The following TRAPPC9 variants were observed in gnomAD, a reference collection of about 807,000 sequenced individuals.
TRAPPC9 encodes trafficking protein particle complex subunit 9, also known as IKK2 binding protein.
TRAPPC9 carries 83 observed loss-of-function variants against 124.0 expected under a neutral mutation model. The ratio of observed to expected loss-of-function variants is 0.67; its 90% confidence interval spans 0.56 to 0.80. TRAPPC9 has a LOEUF of 0.80. Ranked by LOEUF, TRAPPC9 falls within the 30% of genes least tolerant of loss-of-function variation. TRAPPC9 has a pLI of 0.00. For missense variants in TRAPPC9, 1,302 were observed against 1,508.3 expected (o/e 0.86, Z 2.27); for synonymous variants, 638 against 617.5 (o/e 1.03, Z -0.49).
intron 13 of TRAPPC9, among the ~76,000 whole-genome samples, chr8:140,286,621 G>A (rs949431655): frequency 2.6e-5 from 4 of 152,166 alleles, no homozygotes; most frequent in Admixed American, 6.5e-5. Flanking sequence ...CCAAGAACCC[G>A]TTAGGGCAAA....
chr8:140,013,369 C>T (rs1011213449), intron 18 of TRAPPC9, among the ~76,000 whole-genome samples: 30 of 152,312 alleles, frequency 2.0e-4, no homozygotes, highest in Middle Eastern at 3.4e-3. Context: ...ACTCCCCAGT[C>T]GTCTAAACAA....
chr8:139,942,785 C>A (rs1004472313), intron 19 of TRAPPC9, among the ~76,000 whole-genome samples: 1 of 152,174 alleles, frequency 6.6e-6, no homozygotes, highest in Non-Finnish European at 1.5e-5. Flanking sequence ...GAGGACAGGC[C>A]GAGTCAGCAC....
At chr8:140,340,535 G>A (rs2067165083) in intron 9 of TRAPPC9, among the ~76,000 whole-genome samples, 1 of 152,212 alleles carries the variant, frequency 6.6e-6, no homozygotes, top group Admixed American at 6.5e-5. Flanking sequence ...CACAATGCCA[G>A]GCAGCTGACA....
At chr8:140,114,332 GAAAAAAAAA>G (rs59499088) in intron 17 of TRAPPC9, among the ~76,000 whole-genome samples, 2 of 117,052 alleles carry the variant, frequency 1.7e-5, no homozygotes, top group Non-Finnish European at 3.4e-5. Context: ...AAGGACTGAA[GAAAAAAAAA>G]AAAAAAAAAA....
intron 9 of TRAPPC9, among the ~76,000 whole-genome samples, chr8:140,327,718 A>G (rs1419500485): frequency 1.3e-5 from 2 of 152,232 alleles, no homozygotes; most frequent in Non-Finnish European, 2.9e-5. Context: ...AAATTCATCA[A>G]GAGGAAAAGT....
intron 17 of TRAPPC9, among the ~76,000 whole-genome samples, chr8:140,085,338 T>TA (rs11423500): frequency 0.26 from 36,535 of 143,122 alleles, 6,876 homozygotes; most frequent in African/African-American, 0.54. Flanking sequence ...TCTTACTGTT[T>TA]AAAAAAAAAA....
At chr8:139,947,380 T>TA (rs1432744959) in intron 19 of TRAPPC9, among the ~76,000 whole-genome samples, 9 of 152,162 alleles carry the variant, frequency 5.9e-5, no homozygotes, top group African/African-American at 1.4e-4. Flanking sequence ...AATGCTGTAT[T>TA]ACTCAGCCGC....
chr8:140,236,930 C>T (rs1378271636), intron 16 of TRAPPC9, among the ~76,000 whole-genome samples: 1 of 152,046 alleles, frequency 6.6e-6, no homozygotes, highest in African/African-American at 2.4e-5. Context: ...GCCTGTAATC[C>T]CAGAAATTGA....
chr8:140,076,343 G>C (rs1180270204), intron 17 of TRAPPC9, among the ~76,000 whole-genome samples: 1 of 152,122 alleles, frequency 6.6e-6, no homozygotes, highest in Non-Finnish European at 1.5e-5. Flanking sequence ...GGCCTTCGGT[G>C]ACACTCTCCA....
At chr8:139,917,453 T>C (rs1832225432) in intron 19 of TRAPPC9, among the ~76,000 whole-genome samples, 1 of 152,202 alleles carries the variant, frequency 6.6e-6, no homozygotes, top group Non-Finnish European at 1.5e-5. Flanking sequence ...GTGCTGGGAT[T>C]ACAGGCTTGA....
At chr8:139,746,218 C>G (rs766139744) in intron 21 of TRAPPC9, among the ~76,000 whole-genome samples, 1 of 152,208 alleles carries the variant, frequency 6.6e-6, no homozygotes, top group African/African-American at 2.4e-5. Flanking sequence ...ATGGAATACT[C>G]GACCTCGAGA....
At chr8:140,038,733 C>A (rs1047074596) in intron 17 of TRAPPC9, among the ~76,000 whole-genome samples, 16 of 152,192 alleles carry the variant, frequency 1.1e-4, no homozygotes, top group African/African-American at 3.9e-4. Flanking sequence ...GGCAGCTGAG[C>A]ACAGAGGTCT....
At chr8:139,947,916 A>AGCGAGAGC (rs1563944274) in intron 19 of TRAPPC9, among the ~76,000 whole-genome samples, 1 of 39,914 alleles carries the variant, frequency 2.5e-5, no homozygotes, top group East Asian at 1.7e-3. Context: ...ATAGAGAGAG[A>AGCGAGAGC]GAGAGAGCGA....
At chr8:140,442,195 A>C (rs910698615) in intron 2 of TRAPPC9, among the ~76,000 whole-genome samples, 6 of 152,254 alleles carry the variant, frequency 3.9e-5, no homozygotes, top group South Asian at 2.1e-4. Context: ...TATGATAAAC[A>C]ATTTGTTTTG....
intron 17 of TRAPPC9, among the ~76,000 whole-genome samples, chr8:140,037,437 A>G (rs1285612152): frequency 1.3e-5 from 2 of 152,136 alleles, no homozygotes; most frequent in African/African-American, 4.8e-5. Context: ...ATAAAGAAAC[A>G]AATTTCCACA....
At position 140,264,329 on chromosome 8, in the gene TRAPPC9, C is replaced by T. The variant is rs560465444; in HGVS notation, c.2278+11329G>A. ...GTGCTTCTCGCACTCTTGCCTTTCC[C>T]AGGTGCTCCCCATGGCCTCCCAAGG... On this transcript the variant is annotated intron_variant, in intron 15 of 22. Transcript: ENST00000438773. 3.9e-5 allele frequency among the ~76,000 whole-genome samples: 6 copies of T among 152,166 alleles called. No homozygotes were observed. The East Asian group carries it at 5.8e-4, about 15-fold the overall frequency.
chr8:139,896,223 G>T (rs1830658654), intron 20 of TRAPPC9, among the ~76,000 whole-genome samples: 1 of 152,242 alleles, frequency 6.6e-6, no homozygotes, highest in African/African-American at 2.4e-5. Flanking sequence ...AGCCACAGTT[G>T]TAATACTACA....
intron 2 of TRAPPC9, among the ~76,000 whole-genome samples, chr8:140,444,529 G>A (rs2132662967): frequency 6.6e-6 from 1 of 152,100 alleles, no homozygotes; most frequent in Non-Finnish European, 1.5e-5. Context: ...TAGAAGAAGT[G>A]GCAGCTGCAC....
Position 139,902,528 on chromosome 8 carries a change from T to C in TRAPPC9, c.2964+7619A>G, listed in dbSNP as rs1831084383. Among the ~76,000 whole-genome samples the C allele has an allele frequency of 1.3e-5, 2 of 152,344 alleles. 1 individual carries two copies. The highest frequency in any genetic ancestry group is 6.8e-3 in the Middle Eastern group (2 of 294). ...AGATACAAAATGCAACCCTGCATTTTACTTAAGATGATCAAGGAATCAGCT... is the reference window on the plus strand; with the variant it reads ...AGATACAAAATGCAACCCTGCATTTCACTTAAGATGATCAAGGAATCAGCT... On this transcript the variant is annotated intron_variant, in intron 20 of 22. Coordinates refer to ENST00000438773, the MANE Select transcript of TRAPPC9 (RefSeq NM_001160372.4).
Sources: gnomAD v4.1 joint callset for allele counts (sites outside exome capture counted in the v4.1 genomes callset) on GRCh38, gnomAD v4.1.1 for gene constraint, MANE v1.5 for transcripts, NCBI Gene and HGNC (gene_info 2026-07-23, HGNC 2026-07-21) for gene names.